Variants in GPC6 observed in about 807,000 individuals in gnomAD.
The protein encoded by GPC6 is glypican-6.
In GPC6, 14 loss-of-function variants were observed where a neutral mutation model predicts 55.2. The observed-to-expected ratio is 0.25, with a 90% CI of 0.17 to 0.40. GPC6 has a LOEUF of 0.40. Ranked by LOEUF, GPC6 falls within the 10% of genes least tolerant of loss-of-function variation. The probability of loss-of-function intolerance (pLI) is 1.00; values close to 1 mark genes in which losing one functional copy is unlikely to be tolerated. For missense variants in GPC6, 641 were observed against 708.5 expected, an observed-to-expected ratio of 0.90 and a Z score of 1.08; for synonymous variants, 278 against 259.6, an observed-to-expected ratio of 1.07 and a Z score of -0.68.
Position 94,027,709 on chromosome 13 carries a change from T to C in GPC6, c.712-20T>C. On this transcript the variant is annotated intron_variant, in intron 3 of 8. Transcript: ENST00000377047. ...TCCTTCTTATTTTTGATTTTCTTTT[T>C]CTTTGCAATAAATCTGCAGGTCAGC... 6.2e-7 allele frequency: 1 copy of C among 1,612,216 alleles called. No homozygotes were observed. Among genetic ancestry groups the C allele is most frequent in the South Asian group, 1.1e-5 (1 of 91,038 alleles).
Position 93,419,631 on chromosome 13 carries a change from G to A in GPC6, c.161-125632G>A, listed in dbSNP as rs73552636. 4.2e-3 allele frequency among the ~76,000 whole-genome samples: 634 copies of A among 152,152 alleles called. 6 individuals carry two copies. Among genetic ancestry groups the A allele is most frequent in the African/African-American group, 0.015 (611 of 41,520 alleles). ...AACCGATAATACAGCATCTCCATGC[G>A]GATTGAATCCAAGCCTGTAACACAG... On this transcript the variant is annotated intron_variant, in intron 1 of 8. Transcript: ENST00000377047.
chr13:94,033,221 T>C (rs540970455), intron 4 of GPC6, among the ~76,000 whole-genome samples: 6 of 152,332 alleles, frequency 3.9e-5, no homozygotes, highest in Admixed American at 3.9e-4. Context: ...GTTAATGGAC[T>C]CATGAGTGCA....
intron 2 of GPC6, among the ~76,000 whole-genome samples, chr13:93,691,275 A>G (rs1279347993): frequency 6.6e-6 from 1 of 152,124 alleles, no homozygotes; most frequent in Non-Finnish European, 1.5e-5. Flanking sequence ...TTTAGTTATA[A>G]TGTAGAGAAG....
intron 3 of GPC6, among the ~76,000 whole-genome samples, chr13:93,831,847 T>TGA (rs1753931336): frequency 6.6e-6 from 1 of 150,952 alleles, no homozygotes; most frequent in Admixed American, 6.6e-5. Context: ...TCCCAGCACT[T>TGA]TGGGAGGTTG....
At chr13:93,764,607 CACACCA>C (rs1170150777) in intron 2 of GPC6, among the ~76,000 whole-genome samples, 35 of 139,170 alleles carry the variant, frequency 2.5e-4, no homozygotes, top group Admixed American at 2.0e-3. Flanking sequence ...CACACACACA[CACACCA>C]CACACACTCA....
At chr13:93,804,344 T>G (rs182924393) in intron 2 of GPC6, among the ~76,000 whole-genome samples, 145 of 152,308 alleles carry the variant, frequency 9.5e-4, no homozygotes, top group African/African-American at 3.4e-3. Flanking sequence ...TGTTTACATA[T>G]AAGTAAGGAG....
intron 2 of GPC6, among the ~76,000 whole-genome samples, chr13:93,645,774 T>G (rs1387041643): frequency 6.6e-6 from 1 of 152,208 alleles, no homozygotes; most frequent in Non-Finnish European, 1.5e-5. Context: ...TAATGGTATG[T>G]TTTATTTTGA....
intron 1 of GPC6, among the ~76,000 whole-genome samples, chr13:93,330,096 G>A (rs1879794398): frequency 6.6e-6 from 1 of 152,154 alleles, no homozygotes. Flanking sequence ...TATATACATG[G>A]ATGCATTTTG....
the GPC6 span, among the ~76,000 whole-genome samples, chr13:93,218,003 G>A: frequency 2.6e-5 from 4 of 152,082 alleles, no homozygotes; most frequent in African/African-American, 9.7e-5. Flanking sequence ...ATGAACATCA[G>A]GAGAAATCCA....
chr13:93,882,735 T>C (rs1875072418), intron 3 of GPC6, among the ~76,000 whole-genome samples: 1 of 152,184 alleles, frequency 6.6e-6, no homozygotes. Context: ...GTAAAAAATA[T>C]GAAATAGAAA....
chr13:93,380,125 T>C (rs1287074182), intron 1 of GPC6, among the ~76,000 whole-genome samples: 4 of 152,116 alleles, frequency 2.6e-5, no homozygotes, highest in Non-Finnish European at 5.9e-5. Context: ...TGATTGTCTA[T>C]GCTTATCAAG....
chr13:93,962,411 C>CA (rs199741867), intron 3 of GPC6, among the ~76,000 whole-genome samples: 1,811 of 151,846 alleles, frequency 0.012, 20 homozygotes, highest in Non-Finnish European at 0.016. Context: ...CAGTAGTTAG[C>CA]AAAAAATATA....
intron 3 of GPC6, among the ~76,000 whole-genome samples, chr13:93,950,010 C>T (rs1879182419): frequency 6.6e-6 from 1 of 152,124 alleles, no homozygotes; most frequent in Admixed American, 6.6e-5. Flanking sequence ...AGACATGAGC[C>T]GCTGCACCCA....
At position 93,358,517 on chromosome 13, in the gene GPC6, C is replaced by A. The variant is rs1256613651; in HGVS notation, c.160+130901C>A. 2.6e-5 allele frequency among the ~76,000 whole-genome samples: 4 copies of A among 152,260 alleles called. No individual in the cohort carries two copies. In the East Asian group the frequency reaches 7.7e-4, roughly 29 times the overall value. On this transcript the variant is annotated intron_variant, in intron 1 of 8. Coordinates refer to ENST00000377047, the MANE Select transcript of GPC6 (RefSeq NM_005708.5). Reference sequence around the variant, plus strand: ...ATGAAGGAACCAGCCACAGGTCCCACCGCCCTTAAGTAGCAGAGTGGGAAT... The same window carrying A: ...ATGAAGGAACCAGCCACAGGTCCCAACGCCCTTAAGTAGCAGAGTGGGAAT...
intron 2 of GPC6, among the ~76,000 whole-genome samples, chr13:93,755,258 C>G (rs531638108): frequency 5.9e-5 from 9 of 151,930 alleles, no homozygotes; most frequent in Admixed American, 3.9e-4. Flanking sequence ...CCCTGACACA[C>G]GGAGTGAGAT....
At chr13:93,357,881 A>G (rs868462790) in intron 1 of GPC6, among the ~76,000 whole-genome samples, 36 of 152,160 alleles carry the variant, frequency 2.4e-4, no homozygotes, top group African/African-American at 7.5e-4. Context: ...TAGAATATGG[A>G]CTACTGTATG....
chr13:93,250,744 C>T (rs1594052843), intron 1 of GPC6, among the ~76,000 whole-genome samples: 1 of 152,192 alleles, frequency 6.6e-6, no homozygotes. Flanking sequence ...TTCACAGAAT[C>T]CTAGGCAGAA....
intron 6 of GPC6, among the ~76,000 whole-genome samples, chr13:94,348,470 A>AGAT (rs774885471): frequency 3.3e-5 from 5 of 152,216 alleles, no homozygotes; most frequent in African/African-American, 4.8e-5. Context: ...ACAAACTCCC[A>AGAT]GATAAGGCCA....
At chr13:93,402,294 G>A (rs545695363) in intron 1 of GPC6, among the ~76,000 whole-genome samples, 22 of 152,110 alleles carry the variant, frequency 1.4e-4, no homozygotes, top group Admixed American at 7.2e-4. Context: ...TCCAAGTGCC[G>A]AGCCAACTTC....
Sources: allele counts gnomAD v4.1 joint callset (sites outside exome capture counted in the v4.1 genomes callset), GRCh38; gene constraint gnomAD v4.1.1; transcripts MANE v1.5; gene names NCBI Gene and HGNC (gene_info 2026-07-23, HGNC 2026-07-21).